Variants in PTPN21 observed in about 807,000 individuals in gnomAD.
PTPN21 encodes protein tyrosine phosphatase non-receptor type 21.
PTPN21 carries 77 observed loss-of-function variants against 131.8 expected under a neutral mutation model. The ratio of observed to expected loss-of-function variants is 0.58; its 90% confidence interval spans 0.49 to 0.71. PTPN21 has a LOEUF of 0.71. Among genes scored for constraint, PTPN21 ranks in the 30% least tolerant of loss-of-function variants. The pLI, the probability that PTPN21 is intolerant of heterozygous loss-of-function variation, is 0.00. For synonymous variants in PTPN21, 715 were observed against 621.3 expected, an observed-to-expected ratio of 1.15 and a Z score of -2.24; for missense variants, 1,552 against 1,527.1, an observed-to-expected ratio of 1.02 and a Z score of -0.27.
rs1427244487 is a variant in PTPN21, at chr14:88,468,136, C to G, written c.*1G>C. 17 of 1,613,988 alleles carry G rather than the reference C, an allele frequency of 1.1e-5. No homozygotes were observed. Among genetic ancestry groups the G allele is most frequent in the Non-Finnish European group, 1.4e-5 (16 of 1,179,916 alleles). On this transcript the variant is annotated 3_prime_UTR_variant, in exon 19 of 19. Transcript: ENST00000556564. ...CTGGCCCCGTAAGAAATTGTGGGAG[C>G]TTAGATGAGCCTGGAGCTTTTCAGG...
At chr14:88,488,918 G>A (rs1055470960) in intron 10 of PTPN21, among the ~76,000 whole-genome samples, 2 of 152,142 alleles carry the variant, frequency 1.3e-5, no homozygotes, top group Admixed American at 1.3e-4. Context: ...TGATTATCTC[G>A]TGGAATGTGA....
chr14:88,483,395 T>C (rs536608207), intron 12 of PTPN21, among the ~76,000 whole-genome samples: 1 of 151,874 alleles, frequency 6.6e-6, no homozygotes, highest in South Asian at 2.1e-4. Context: ...GGATTGCAAA[T>C]ACCAGACAAG....
chr14:88,504,407 CTT>C lies in PTPN21; in HGVS notation c.587+16_587+17del. 1 of 1,546,804 alleles carries C rather than the reference CTT, an allele frequency of 6.5e-7. No homozygotes were observed. The highest frequency in any genetic ancestry group is 8.9e-7 in the Non-Finnish European group (1 of 1,119,238). On this transcript the variant is annotated intron_variant, in intron 6 of 18. Transcript: ENST00000556564. ...CATTGGTTCTATGCTATTTCCATGTCTTATTTCTTAGAGTTACCTGTATTTCT... is the reference window on the plus strand; with the variant it reads ...CATTGGTTCTATGCTATTTCCATGTCATTTCTTAGAGTTACCTGTATTTCT...
chr14:88,466,370 T>C lies in PTPN21; in HGVS notation c.*1767A>G, dbSNP rs1384269180. 1 of 152,118 alleles carries C rather than the reference T, an allele frequency of 6.6e-6. No homozygotes were observed. The highest frequency in any genetic ancestry group is 2.4e-5 in the African/African-American group (1 of 41,420). The allele number at this position is 152,118 out of a possible 1,614,324, so 9.4% of individuals were successfully genotyped here. A position where few individuals can be genotyped will look rare whatever the true frequency, so the allele number is the denominator to read the frequency against. On this transcript the variant is annotated 3_prime_UTR_variant, in exon 19 of 19. Coordinates refer to ENST00000556564, the MANE Select transcript of PTPN21 (RefSeq NM_007039.4). ...TCTTCTGAGTTTTCCTCTTAGGTGGTTGGTTTCTGGGTAAGGCAGAGTTAG... is the reference window on the plus strand; with the variant it reads ...TCTTCTGAGTTTTCCTCTTAGGTGGCTGGTTTCTGGGTAAGGCAGAGTTAG...
Position 88,522,427 on chromosome 14 carries a change from C to CAAAAA in PTPN21, c.181-5171_181-5167dup, listed in dbSNP as rs1177147324. 2.3e-3 allele frequency among the ~76,000 whole-genome samples: 93 copies of CAAAAA among 41,192 alleles called. 3 individuals are homozygous for CAAAAA. The highest frequency in any genetic ancestry group is 6.1e-3 in the East Asian group (8 of 1,310). The allele number at this position is 41,192 out of a possible 152,430, so 27.0% of individuals were successfully genotyped here. ...CCTGGGCGACAGAGCAAGACTGTCT[C>CAAAAA]AAAAAAAAAAAAAAAAGAAAAAAAG... is the stretch of plus-strand genomic sequence containing the variant. On this transcript the variant is annotated intron_variant, in intron 2 of 18. Coordinates refer to ENST00000556564, the MANE Select transcript of PTPN21 (RefSeq NM_007039.4).
intron 7 of PTPN21, 89 bp downstream of exon 7, chr14:88,501,192 G>T: frequency 8.3e-7 from 1 of 1,201,744 alleles, no homozygotes; most frequent in Non-Finnish European, 1.2e-6. Context: ...CTCAGCCTTT[G>T]CACATAAGGA....
intron 2 of PTPN21, among the ~76,000 whole-genome samples, chr14:88,529,794 C>A (rs2078528633): frequency 6.6e-6 from 1 of 151,946 alleles, no homozygotes; most frequent in Non-Finnish European, 1.5e-5. Flanking sequence ...CCAGTCTGGC[C>A]AACATGGTGA....
intron 13 of PTPN21, 32 bp from the exon 14 acceptor site, chr14:88,473,834 A>G (rs1305570123): frequency 3.8e-6 from 6 of 1,559,894 alleles, no homozygotes; most frequent in Non-Finnish European, 5.2e-6. Context: ...TATATGAAAT[A>G]TACACAAATA....
At chr14:88,516,239 G>A (rs1302656619) in intron 3 of PTPN21, among the ~76,000 whole-genome samples, 1 of 152,084 alleles carries the variant, frequency 6.6e-6, no homozygotes, top group African/African-American at 2.4e-5. Context: ...TGGGGTCATA[G>A]ATGCTTCATG....
Position 88,486,501 on chromosome 14 carries a change from A to G in PTPN21, c.933-659T>C, listed in dbSNP as rs74907834. Reference sequence around the variant, plus strand: ...CAAGACCAGCCTAGACAACATAGTGAGACCCCATCTTTTAAAAAACTCAAA... The same window carrying G: ...CAAGACCAGCCTAGACAACATAGTGGGACCCCATCTTTTAAAAAACTCAAA... On this transcript the variant is annotated intron_variant, in intron 10 of 18. Coordinates refer to ENST00000556564, the MANE Select transcript of PTPN21 (RefSeq NM_007039.4). 2.3e-3 allele frequency among the ~76,000 whole-genome samples: 356 copies of G among 152,282 alleles called. 3 individuals are homozygous for G. Among genetic ancestry groups the G allele is most frequent in the African/African-American group, 7.7e-3 (318 of 41,540 alleles).
chr14:88,472,698 C>CGT (rs1566807246), intron 14 of PTPN21, among the ~76,000 whole-genome samples: 1 of 151,972 alleles, frequency 6.6e-6, no homozygotes, highest in African/African-American at 2.4e-5. Flanking sequence ...AGTGAGACCC[C>CGT]GTCTCTGCAA....
intron 13 of PTPN21, among the ~76,000 whole-genome samples, chr14:88,474,131 C>CAAAAAAAAAAAA (rs754719071): frequency 2.1e-4 from 10 of 46,672 alleles, no homozygotes; most frequent in African/African-American, 4.7e-4. Flanking sequence ...AGCTGAAGTC[C>CAAAAAAAAAAAA]AAAAAAAAAA....
chr14:88,517,946 T>C (rs1247695764), intron 2 of PTPN21, among the ~76,000 whole-genome samples: 9 of 147,706 alleles, frequency 6.1e-5, no homozygotes, highest in East Asian at 2.0e-4. Flanking sequence ...GTTTTAGTAA[T>C]TGAAAAACCA....
chr14:88,534,809 C>T (rs781125033), intron 2 of PTPN21, among the ~76,000 whole-genome samples: 6 of 152,026 alleles, frequency 3.9e-5, no homozygotes, highest in Non-Finnish European at 8.8e-5. Context: ...GCCTGGAAGT[C>T]GAGGCTGCAG....
At position 88,467,220 on chromosome 14, in the gene PTPN21, TTGTTATTG is replaced by T. The variant is rs1344941615; in HGVS notation, c.*909_*916del. 6.6e-6 allele frequency: 1 copy of T among 152,012 alleles called. No individual in the cohort carries two copies. Among genetic ancestry groups the T allele is most frequent in the Admixed American group, 6.5e-5 (1 of 15,282 alleles). The allele number at this position is 152,012 out of a possible 1,614,324, so 9.4% of individuals were successfully genotyped here. ...CTCCCAAAACGCTTCTCAGCGCCCA[TTGTTATTG>T]TGTCATCTACAAAGCAACACATATA... On this transcript the variant is annotated 3_prime_UTR_variant, in exon 19 of 19. Transcript: ENST00000556564.
At chr14:88,496,338 A>G (rs2077915354) in intron 10 of PTPN21, 75 bp downstream of exon 10, 5 of 1,280,588 alleles carry the variant, frequency 3.9e-6, no homozygotes, top group Admixed American at 3.8e-5. Flanking sequence ...GTCTTTCTTG[A>G]TGATACAGTA....
At chr14:88,518,682 C>T (rs1304023724) in intron 2 of PTPN21, among the ~76,000 whole-genome samples, 3 of 150,930 alleles carry the variant, frequency 2.0e-5, no homozygotes, top group South Asian at 2.1e-4. Context: ...CCGCCCACCT[C>T]GGCCTCCCAA....
intron 2 of PTPN21, among the ~76,000 whole-genome samples, chr14:88,534,521 A>G (rs1022299674): frequency 6.6e-6 from 1 of 152,244 alleles, no homozygotes; most frequent in Non-Finnish European, 1.5e-5. Context: ...TACAAGAGTC[A>G]AAAGTTTTAA....
intron 4 of PTPN21, 124 bp from the exon 5 acceptor site, chr14:88,505,495 T>C (rs1595378390): frequency 1.2e-5 from 7 of 594,954 alleles, no homozygotes; most frequent in African/African-American, 3.8e-5. Context: ...AAATTTGTTA[T>C]AGCTATATAA....
Sources: gnomAD v4.1 joint callset for allele counts (sites outside exome capture counted in the v4.1 genomes callset) on GRCh38, gnomAD v4.1.1 for gene constraint, MANE v1.5 for transcripts, NCBI Gene and HGNC (gene_info 2026-07-23, HGNC 2026-07-21) for gene names.